The following GPHN variants were observed in gnomAD, a reference collection of about 807,000 sequenced individuals.
GPHN encodes gephyrin.
GPHN carries 17 observed loss-of-function variants against 95.5 expected under a neutral mutation model. That is an observed-to-expected ratio of 0.18 (90% CI 0.12 to 0.27). The LOEUF (loss-of-function observed/expected upper bound fraction) is 0.27. Among genes scored for constraint, GPHN ranks in the 10% least tolerant of loss-of-function variants. The probability of loss-of-function intolerance (pLI) is 1.00; values close to 1 mark genes in which losing one functional copy is unlikely to be tolerated. For missense variants in GPHN, 660 were observed against 978.1 expected (o/e 0.67, Z 4.34); for synonymous variants, 320 against 322.5 (o/e 0.99, Z 0.08).
the GPHN span, chr14:67,559,725 A>G: frequency 2.8e-6 from 4 of 1,451,822 alleles, no homozygotes; most frequent in South Asian, 1.2e-5. Context: ...GGCCTGCCAG[A>G]GGCATGGCTG....
chr14:67,519,569 G>A, the GPHN span, among the ~76,000 whole-genome samples: 1 of 152,150 alleles, frequency 6.6e-6, no homozygotes, highest in Non-Finnish European at 1.5e-5. Flanking sequence ...ACTGCACATC[G>A]TGATTAGAGG....
chr14:67,139,115 T>C (rs2080291627), intron 17 of GPHN, among the ~76,000 whole-genome samples: 1 of 151,368 alleles, frequency 6.6e-6, no homozygotes, highest in African/African-American at 2.4e-5. Flanking sequence ...CCCAGATGCT[T>C]GAGAGGCTGA....
intron 1 of GPHN, among the ~76,000 whole-genome samples, chr14:66,623,046 G>A (rs2063371797): frequency 6.6e-6 from 1 of 152,076 alleles, no homozygotes; most frequent in South Asian, 2.1e-4. Context: ...CTGAGACTGG[G>A]CAATTTATAA....
At chr14:67,323,841 C>T in the GPHN span, 12 of 1,170,000 alleles carry the variant, frequency 1.0e-5, no homozygotes, top group Admixed American at 4.3e-5. Flanking sequence ...TGTACTATTC[C>T]ATTGAAGGTA....
intron 3 of GPHN, among the ~76,000 whole-genome samples, chr14:66,786,084 A>G (rs987254122): frequency 1.3e-5 from 2 of 151,628 alleles, no homozygotes; most frequent in Non-Finnish European, 3.0e-5. Context: ...CAGGAAAACA[A>G]TAGTCAGTAA....
chr14:67,510,043 CAGAT>C, the GPHN span, among the ~76,000 whole-genome samples: 2 of 151,954 alleles, frequency 1.3e-5, no homozygotes, highest in South Asian at 2.1e-4. Flanking sequence ...AAAAAAGAAT[CAGAT>C]AGATCTCAAT....
intron 2 of GPHN, among the ~76,000 whole-genome samples, chr14:66,744,039 T>G (rs1160163587): frequency 6.6e-6 from 1 of 152,150 alleles, no homozygotes; most frequent in Non-Finnish European, 1.5e-5. Context: ...GCTTTCTCCT[T>G]TTTCATCTTT....
chr14:66,590,777 A>G (rs1251028407), intron 1 of GPHN, among the ~76,000 whole-genome samples: 1 of 152,242 alleles, frequency 6.6e-6, no homozygotes, highest in Non-Finnish European at 1.5e-5. Flanking sequence ...CAAGAGAAAG[A>G]GAAGGAATCC....
chr14:67,424,148 G>C, the GPHN span, among the ~76,000 whole-genome samples: 1 of 152,158 alleles, frequency 6.6e-6, no homozygotes, highest in African/African-American at 2.4e-5. Flanking sequence ...GCTGAGGCAG[G>C]AGAATCACTT....
the GPHN span, chr14:67,722,316 C>G: frequency 2.3e-6 from 1 of 435,554 alleles, no homozygotes; most frequent in African/African-American, 2.0e-5. Flanking sequence ...AGAAGAGAAA[C>G]AATTGAGGAT....
chr14:67,385,529 T>C, the GPHN span: 1 of 152,064 alleles, frequency 6.6e-6, no homozygotes, highest in Admixed American at 6.5e-5. Context: ...ACTGTACCTT[T>C]CACTGATGTC....
At chr14:67,453,400 G>C in the GPHN span, among the ~76,000 whole-genome samples, 1 of 152,226 alleles carries the variant, frequency 6.6e-6, no homozygotes, top group African/African-American at 2.4e-5. Flanking sequence ...AGCTGAGACA[G>C]AGGGCCTGCC....
At chr14:66,709,258 T>C in intron 2 of GPHN, 1 of 420,438 alleles carries the variant, frequency 2.4e-6, no homozygotes, top group Non-Finnish European at 4.8e-6. Context: ...ATAGCACTAT[T>C]AAACAGGATT....
chr14:67,136,375 G>A (rs976852302), intron 17 of GPHN, among the ~76,000 whole-genome samples: 3 of 152,160 alleles, frequency 2.0e-5, no homozygotes, highest in Non-Finnish European at 4.4e-5. Context: ...AAAATAAACA[G>A]TCCAAGCCTC....
chr14:67,348,662 C>T, the GPHN span, among the ~76,000 whole-genome samples: 2 of 151,614 alleles, frequency 1.3e-5, no homozygotes, highest in African/African-American at 2.4e-5. Flanking sequence ...GCTGGGGCTA[C>T]AGGCGCGTGC....
the GPHN span, among the ~76,000 whole-genome samples, chr14:67,202,339 G>T: frequency 6.6e-6 from 1 of 152,154 alleles, no homozygotes; most frequent in Non-Finnish European, 1.5e-5. Flanking sequence ...TACTTGGGAG[G>T]CTGAGACAGG....
intron 1 of GPHN, among the ~76,000 whole-genome samples, chr14:66,622,519 G>T (rs935867938): frequency 3.3e-5 from 5 of 152,010 alleles, no homozygotes; most frequent in Non-Finnish European, 7.4e-5. Flanking sequence ...CTTTTCTTTC[G>T]CATTGTCAGG....
chr14:66,953,755 T>C (rs964598089), intron 8 of GPHN, among the ~76,000 whole-genome samples: 2 of 151,978 alleles, frequency 1.3e-5, no homozygotes, highest in Admixed American at 1.3e-4. Flanking sequence ...GGAATTAGCC[T>C]GACACGGTGG....
chr14:67,618,573 G>A, the GPHN span, among the ~76,000 whole-genome samples: 9 of 151,502 alleles, frequency 5.9e-5, no homozygotes, highest in South Asian at 2.1e-4. Flanking sequence ...TAGAGTCAGC[G>A]TCTCACTATG....
Sources: allele counts gnomAD v4.1 joint callset (sites outside exome capture counted in the v4.1 genomes callset), GRCh38; gene constraint gnomAD v4.1.1; transcripts MANE v1.5; gene names NCBI Gene and HGNC (gene_info 2026-07-23, HGNC 2026-07-21).